The following POLR3B variants were observed in gnomAD, a reference collection of about 807,000 sequenced individuals.
POLR3B encodes RNA polymerase III subunit B, also known as DNA-directed RNA polymerase III subunit RPC2.
Under a neutral mutation model 147.4 loss-of-function variants are expected in POLR3B, and 96 were observed. The ratio of observed to expected loss-of-function variants is 0.65; its 90% confidence interval spans 0.55 to 0.77. The LOEUF (loss-of-function observed/expected upper bound fraction) is 0.77. POLR3B is among the 30% of genes least tolerant of loss of function. POLR3B has a pLI of 0.00. For missense variants in POLR3B, 1,036 were observed against 1,413.5 expected (o/e 0.73, Z 4.28); for synonymous variants, 461 against 485.9 (o/e 0.95, Z 0.67).
At chr12:106,425,702 G>T (rs2037426256) in intron 12 of POLR3B, among the ~76,000 whole-genome samples, 1 of 152,156 alleles carries the variant, frequency 6.6e-6, no homozygotes. Context: ...GACACTTCTT[G>T]TGCCTGGGCT....
At chr12:106,361,235 G>A (rs1046464096) in intron 1 of POLR3B, among the ~76,000 whole-genome samples, 30 of 152,106 alleles carry the variant, frequency 2.0e-4, no homozygotes, top group African/African-American at 7.2e-4. Flanking sequence ...GATTATGAGG[G>A]CCTCAACTGG....
chr12:106,371,723 G>T (rs1445443110), intron 6 of POLR3B, among the ~76,000 whole-genome samples: 2 of 146,958 alleles, frequency 1.4e-5, no homozygotes, highest in East Asian at 2.2e-4. Flanking sequence ...CTCACTCATA[G>T]GTGGGAATTG....
intron 13 of POLR3B, among the ~76,000 whole-genome samples, chr12:106,427,996 A>G (rs1208668931): frequency 6.6e-6 from 1 of 152,220 alleles, no homozygotes; most frequent in Non-Finnish European, 1.5e-5. Flanking sequence ...AAAGCATAGT[A>G]TAATCTACCA....
At chr12:106,389,769 C>T (rs572944525) in intron 9 of POLR3B, among the ~76,000 whole-genome samples, 1 of 152,216 alleles carries the variant, frequency 6.6e-6, no homozygotes, top group South Asian at 2.1e-4. Flanking sequence ...TCGCCTGTGC[C>T]TATAGTGCCA....
chr12:106,417,655 A>C (rs1345845182), intron 12 of POLR3B, among the ~76,000 whole-genome samples: 2 of 152,208 alleles, frequency 1.3e-5, no homozygotes, highest in South Asian at 2.1e-4. Context: ...CTAGAAAAAA[A>C]AATTAGCATC....
chr12:106,407,686 A>G (rs929727000), intron 11 of POLR3B, among the ~76,000 whole-genome samples: 3 of 152,096 alleles, frequency 2.0e-5, no homozygotes, highest in Admixed American at 2.0e-4. Flanking sequence ...AAAATTAGCC[A>G]GGTGTGGTGG....
chr12:106,499,056 A>G (rs75270074), intron 25 of POLR3B, among the ~76,000 whole-genome samples: 3 of 152,364 alleles, frequency 2.0e-5, no homozygotes, highest in East Asian at 1.9e-4. Flanking sequence ...CTATAATAAT[A>G]TGGATTTCTT....
intron 7 of POLR3B, among the ~76,000 whole-genome samples, chr12:106,376,940 C>G (rs2036689364): frequency 6.6e-6 from 1 of 152,296 alleles, no homozygotes; most frequent in Non-Finnish European, 1.5e-5. Context: ...ACTGTTTCCT[C>G]TTTTATTTCA....
At chr12:106,377,298 T>C (rs1377516738) in intron 7 of POLR3B, among the ~76,000 whole-genome samples, 1 of 152,254 alleles carries the variant, frequency 6.6e-6, no homozygotes, top group Non-Finnish European at 1.5e-5. Flanking sequence ...TTTGAACTTA[T>C]AGTTGCTTTA....
At chr12:106,499,315 G>T (rs1431891618) in intron 25 of POLR3B, among the ~76,000 whole-genome samples, 2 of 152,154 alleles carry the variant, frequency 1.3e-5, no homozygotes, top group Non-Finnish European at 2.9e-5. Flanking sequence ...TGTACTGAAA[G>T]AATTGGATGG....
intron 9 of POLR3B, among the ~76,000 whole-genome samples, chr12:106,392,474 A>G (rs1358613083): frequency 6.6e-6 from 1 of 152,110 alleles, no homozygotes; most frequent in Non-Finnish European, 1.5e-5. Flanking sequence ...ATGTGTTCCT[A>G]CTTTTTAAGT....
chr12:106,495,754 T>G (rs976007150), intron 23 of POLR3B, among the ~76,000 whole-genome samples: 1 of 152,200 alleles, frequency 6.6e-6, no homozygotes, highest in African/African-American at 2.4e-5. Flanking sequence ...TGGGGTCCAG[T>G]GAAGCTGCTG....
chr12:106,481,737 CAT>C (rs924054739), intron 23 of POLR3B, among the ~76,000 whole-genome samples: 6 of 152,204 alleles, frequency 3.9e-5, no homozygotes, highest in African/African-American at 7.2e-5. Context: ...TTGATAAACA[CAT>C]GTGTTTCATC....
intron 2 of POLR3B, among the ~76,000 whole-genome samples, chr12:106,365,368 T>C (rs1327328152): frequency 6.6e-6 from 1 of 152,070 alleles, no homozygotes; most frequent in Non-Finnish European, 1.5e-5. Flanking sequence ...TCAAATAAAA[T>C]GGTCGTAAGG....
intron 12 of POLR3B, among the ~76,000 whole-genome samples, chr12:106,425,017 T>A (rs1417057473): frequency 2.0e-5 from 3 of 152,248 alleles, no homozygotes; most frequent in African/African-American, 7.2e-5. Context: ...TCTTAGATTC[T>A]TTTGGATTTT....
At chr12:106,448,092 G>A (rs77359579) in intron 19 of POLR3B, among the ~76,000 whole-genome samples, 3,753 of 151,890 alleles carry the variant, frequency 0.025, 160 homozygotes, top group African/African-American at 0.085. Flanking sequence ...TCCGTTTAAG[G>A]GTACAAAATG....
At chr12:106,450,833 A>G (rs998424114) in intron 19 of POLR3B, among the ~76,000 whole-genome samples, 2 of 152,336 alleles carry the variant, frequency 1.3e-5, no homozygotes, top group Middle Eastern at 3.4e-3. Flanking sequence ...CAGAAATTGC[A>G]TTCCTAGGTA....
intron 10 of POLR3B, among the ~76,000 whole-genome samples, chr12:106,405,046 GTGTT>G (rs1435358077): frequency 3.9e-5 from 6 of 152,106 alleles, no homozygotes; most frequent in African/African-American, 1.4e-4. Context: ...CATTTAGTAT[GTGTT>G]TATTTCTGGA....
chr12:106,416,917 C>G (rs1405110159), intron 12 of POLR3B, among the ~76,000 whole-genome samples: 1 of 151,950 alleles, frequency 6.6e-6, no homozygotes, highest in East Asian at 1.9e-4. Flanking sequence ...CCGAAGCTGC[C>G]CCTCCCTCAT....
Sources: gnomAD v4.1 joint callset for allele counts (sites outside exome capture counted in the v4.1 genomes callset) on GRCh38, gnomAD v4.1.1 for gene constraint, MANE v1.5 for transcripts, NCBI Gene and HGNC (gene_info 2026-07-23, HGNC 2026-07-21) for gene names.